The following FUBP3 variants were observed in gnomAD, a reference collection of about 807,000 sequenced individuals.
FUBP3 encodes far upstream element-binding protein 3.
A neutral mutation model predicts 85.6 loss-of-function variants in FUBP3; 28 were observed. The ratio of observed to expected loss-of-function variants is 0.33; its 90% CI spans 0.24 to 0.45. FUBP3 has a LOEUF of 0.45. Among genes scored for constraint, FUBP3 ranks in the 20% least tolerant of loss-of-function variants. FUBP3 has a pLI of 1.00. For missense variants in FUBP3, 583 were observed against 755.1 expected (o/e 0.77, Z 2.67); for synonymous variants, 271 against 271.4 (o/e 1.00, Z 0.01).
chr9:130,630,872 T>C (rs911158481), intron 13 of FUBP3, 84 bp downstream of exon 13: 1 of 1,008,750 alleles, frequency 9.9e-7, no homozygotes, highest in Non-Finnish European at 1.4e-6. Context: ...TCCCACCACC[T>C]TGTGCTGCTT....
chr9:130,591,015 G>T (rs12351928), intron 1 of FUBP3, among the ~76,000 whole-genome samples: 10,425 of 34,604 alleles, frequency 0.3, 1,055 homozygotes, highest in African/African-American at 0.53. Flanking sequence ...GTTTGTTTTT[G>T]TTTTTTTTTT....
intron 11 of FUBP3, among the ~76,000 whole-genome samples, chr9:130,625,220 T>C (rs1829922452): frequency 6.6e-6 from 1 of 152,206 alleles, no homozygotes. Context: ...AAAAAAAGTT[T>C]ATGAACCTTG....
rs183730897 is a variant in FUBP3, at chr9:130,606,394, C to A, written c.191-3560C>A. 1.6e-4 allele frequency among the ~76,000 whole-genome samples: 25 copies of A among 152,288 alleles called. No homozygotes were observed. The East Asian group carries it at 4.8e-3, about 29-fold the overall frequency. ...CTGGTATTCCTCTCTCCCCACCCCC[C>A]CCCAACAGACTCACTCACCTGCCTC... On this transcript the variant is annotated intron_variant, in intron 2 of 18. Coordinates refer to ENST00000319725, the MANE Select transcript of FUBP3 (RefSeq NM_003934.2).
At chr9:130,597,004 A>T (rs1217973326) in intron 2 of FUBP3, among the ~76,000 whole-genome samples, 1 of 152,070 alleles carries the variant, frequency 6.6e-6, no homozygotes, top group Non-Finnish European at 1.5e-5. Flanking sequence ...AGTAGGTCTT[A>T]TTCGTACCCA....
At chr9:130,581,554 T>C (rs993824233) in intron 1 of FUBP3, 6 of 152,212 alleles carry the variant, frequency 3.9e-5, no homozygotes, top group African/African-American at 9.6e-5. Flanking sequence ...TAGATTTGCA[T>C]TGGGCAAGAA....
At chr9:130,629,592 GT>G (rs1369144488) in intron 12 of FUBP3, among the ~76,000 whole-genome samples, 5 of 152,174 alleles carry the variant, frequency 3.3e-5, no homozygotes, top group Non-Finnish European at 7.3e-5. Flanking sequence ...CTGGCAGTGG[GT>G]AGAGAGAAGC....
chr9:130,604,726 G>A (rs113953676), intron 2 of FUBP3, among the ~76,000 whole-genome samples: 2,156 of 152,138 alleles, frequency 0.014, 48 homozygotes, highest in African/African-American at 0.049. Flanking sequence ...GTGAAACCCC[G>A]CCTCTATTAA....
chr9:130,591,312 G>T lies in FUBP3; in HGVS notation c.85-4171G>T, dbSNP rs529682907. ...ACAAAAATTATCCAGGCATGGTGGC[G>T]CATGCCTGTAACCCCAGCTACTCGG... On this transcript the variant is annotated intron_variant, in intron 1 of 18. Coordinates refer to ENST00000319725, the MANE Select transcript of FUBP3 (RefSeq NM_003934.2). Among the ~76,000 whole-genome samples, 16 of 152,124 alleles carry T rather than the reference G, an allele frequency of 1.1e-4. No individual in the cohort carries two copies. The East Asian group carries it at 3.1e-3, about 29-fold the overall frequency.
chr9:130,626,051 A>G (rs1829958498), intron 11 of FUBP3, among the ~76,000 whole-genome samples: 1 of 152,142 alleles, frequency 6.6e-6, no homozygotes, highest in Non-Finnish European at 1.5e-5. Context: ...ATCGGGGCCC[A>G]GTGAGGAAAG....
intron 2 of FUBP3, among the ~76,000 whole-genome samples, chr9:130,605,480 C>T (rs986428791): frequency 3.3e-5 from 5 of 152,254 alleles, no homozygotes; most frequent in Non-Finnish European, 7.3e-5. Context: ...ACAGGCCCCT[C>T]GCCTGCATGC....
intron 2 of FUBP3, among the ~76,000 whole-genome samples, chr9:130,606,464 G>A (rs1831441719): frequency 6.6e-6 from 1 of 152,188 alleles, no homozygotes; most frequent in African/African-American, 2.4e-5. Context: ...TGGCTGTGCT[G>A]TCGTGAAGGA....
rs769434086 is a variant in FUBP3 at position 130,637,064 on chromosome 9, C to T, written c.*42C>T. 6.5e-5 allele frequency: 101 copies of T among 1,551,730 alleles called. No individual in the cohort carries two copies. The highest frequency in any genetic ancestry group is 3.4e-4 in the Middle Eastern group (2 of 5,942). On this transcript the variant is annotated 3_prime_UTR_variant, in exon 19 of 19. Coordinates refer to ENST00000319725, the MANE Select transcript of FUBP3 (RefSeq NM_003934.2). ...CCAACTCTCCCCTCAAAATCATTGT[C>T]AAAGAAAACCTATTTGTAACAGAGG...
At chr9:130,607,701 AT>A (rs994448878) in intron 2 of FUBP3, among the ~76,000 whole-genome samples, 1 of 152,088 alleles carries the variant, frequency 6.6e-6, no homozygotes, top group Non-Finnish European at 1.5e-5. Flanking sequence ...GCTGGTTTTC[AT>A]TTTTAGGCAG....
In FUBP3 at chr9:130,623,676, G is replaced by A; in HGVS notation, c.940G>A (p.Ala314Thr). 1.2e-6 allele frequency: 2 copies of A among 1,613,848 alleles called. No individual in the cohort carries two copies. Among genetic ancestry groups the A allele is most frequent in the Non-Finnish European group, 1.7e-6 (2 of 1,179,806 alleles). Residue 314 changes from alanine (A) to threonine (T), a missense_variant, in exon 11 of 19, where the codon GCG becomes ACG. Ala to Thr is a moderately conservative substitution (Grantham distance 58). Transcript: ENST00000319725. ...MGPPDRCQHA[A>T]HIISELILTA... is the part of the protein sequence containing the mutation. ...CCCTCCGGATCGGTGTCAGCATGCA[G>A]CGCATATCATCAGCGAGCTGATTCT...
rs371364583 is a variant in FUBP3 at position 130,637,242 on chromosome 9, A to G, written c.*220A>G. On this transcript the variant is annotated 3_prime_UTR_variant, in exon 19 of 19. Transcript: ENST00000319725. ...TCATTATTTTTGTTATTTCAAATGTATAAGCTCTGGGATTCTTTTTGGAGC... is the reference window on the plus strand; with the variant it reads ...TCATTATTTTTGTTATTTCAAATGTGTAAGCTCTGGGATTCTTTTTGGAGC... 1.5e-4 allele frequency: 86 copies of G among 575,740 alleles called. No individual in the cohort carries two copies. Among genetic ancestry groups the G allele is most frequent in the Middle Eastern group, 1.3e-3 (5 of 3,734 alleles). 35.7% of individuals were successfully genotyped at this position (575,740 alleles called of 1,614,324 possible). A position where few individuals can be genotyped will look rare whatever the true frequency, so the allele number is the denominator to read the frequency against.
In FUBP3 at chr9:130,579,639, T is replaced by TCGGCGGCGTCGGCGGCGGCGGCGA; in HGVS notation, c.-33_-10dup. ...CGGACCGGGGAGCCGAGCGGCGGCG[T>TCGGCGGCGTCGGCGGCGGCGGCGA]CGGCGGCGTCGGCGGCGGCGGCGAC... On this transcript the variant is annotated 5_prime_UTR_variant, in exon 1 of 19. Coordinates refer to ENST00000319725, the MANE Select transcript of FUBP3 (RefSeq NM_003934.2). The TCGGCGGCGTCGGCGGCGGCGGCGA allele has an allele frequency of 8.6e-7, 1 of 1,159,746 alleles. No homozygotes were observed. The highest frequency in any genetic ancestry group is 1.1e-6 in the Non-Finnish European group (1 of 921,378). The allele number at this position is 1,159,746 out of a possible 1,614,324, so 71.8% of individuals were successfully genotyped here. A position where few individuals can be genotyped will look rare whatever the true frequency, so the allele number is the denominator to read the frequency against.
At chr9:130,601,156 T>C (rs146324518) in intron 2 of FUBP3, among the ~76,000 whole-genome samples, 37 of 152,250 alleles carry the variant, frequency 2.4e-4, no homozygotes, top group African/African-American at 7.2e-4. Context: ...AAAATCAGCC[T>C]CATCAGTTGA....
intron 2 of FUBP3, among the ~76,000 whole-genome samples, chr9:130,604,566 T>C (rs1222352340): frequency 6.6e-6 from 1 of 152,220 alleles, no homozygotes; most frequent in Non-Finnish European, 1.5e-5. Context: ...CCTCATCAGA[T>C]TATCATGAGG....
intron 11 of FUBP3, 59 bp downstream of exon 11, chr9:130,623,770 G>A (rs145112455): frequency 1.6e-4 from 180 of 1,140,856 alleles, no homozygotes; most frequent in Non-Finnish European, 2.2e-4. Flanking sequence ...AGTGCTACCC[G>A]GGGCTCTCGG....
Sources: allele counts gnomAD v4.1 joint callset (sites outside exome capture counted in the v4.1 genomes callset), GRCh38; gene constraint gnomAD v4.1.1; transcripts MANE v1.5; gene names NCBI Gene and HGNC (gene_info 2026-07-23, HGNC 2026-07-21).